BNC2: variants seen among roughly 807,000 people sequenced by gnomAD.
BNC2 encodes the protein zinc finger protein basonuclin-2.
Under a neutral mutation model 76.3 loss-of-function variants are expected in BNC2, and 20 were observed. The ratio of observed to expected loss-of-function variants is 0.26; its 90% CI spans 0.18 to 0.38. The LOEUF is 0.38. BNC2 is among the 10% of genes least tolerant of loss of function. The probability of loss-of-function intolerance (pLI) is 1.00; values close to 1 mark genes in which losing one functional copy is unlikely to be tolerated. For synonymous variants in BNC2, 582 were observed against 514.8 expected, an observed-to-expected ratio of 1.13 and a Z score of -1.77; for missense variants, 1,382 against 1,399.8, an observed-to-expected ratio of 0.99 and a Z score of 0.20.
At chr9:16,488,834 C>CAA (rs369463874) in intron 5 of BNC2, among the ~76,000 whole-genome samples, 296 of 149,246 alleles carry the variant, frequency 2.0e-3, no homozygotes, top group African/African-American at 6.5e-3. Context: ...CTTCTTTTAG[C>CAA]AAAAAAAAAC....
chr9:16,607,677 T>C (rs937683358), intron 3 of BNC2, among the ~76,000 whole-genome samples: 1 of 152,204 alleles, frequency 6.6e-6, no homozygotes, highest in African/African-American at 2.4e-5. Flanking sequence ...GCTACACGGA[T>C]GCTTTCATTT....
At chr9:16,549,589 G>A (rs1431906947) in intron 5 of BNC2, among the ~76,000 whole-genome samples, 1 of 152,132 alleles carries the variant, frequency 6.6e-6, no homozygotes, top group African/African-American at 2.4e-5. Context: ...AGTAATTTGT[G>A]CACACCTTAT....
chr9:16,462,475 G>C (rs1012433167), intron 5 of BNC2, among the ~76,000 whole-genome samples: 1 of 152,000 alleles, frequency 6.6e-6, no homozygotes, highest in African/African-American at 2.4e-5. Context: ...ACCAAATCTT[G>C]TAACTCCTGC....
intron 3 of BNC2, among the ~76,000 whole-genome samples, chr9:16,600,505 C>A (rs1820215852): frequency 6.6e-6 from 1 of 152,160 alleles, no homozygotes; most frequent in African/African-American, 2.4e-5. Flanking sequence ...GATTTCCAGT[C>A]TATTGACAAA....
At chr9:16,620,978 A>G (rs961465984) in intron 3 of BNC2, among the ~76,000 whole-genome samples, 2 of 152,074 alleles carry the variant, frequency 1.3e-5, no homozygotes, top group East Asian at 1.9e-4. Context: ...TCTATCCACA[A>G]TGTTATCTGG....
chr9:16,564,814 T>C (rs1275363461), intron 4 of BNC2, among the ~76,000 whole-genome samples: 1 of 152,120 alleles, frequency 6.6e-6, no homozygotes, highest in Non-Finnish European at 1.5e-5. Context: ...TTAAGATGTA[T>C]CTACATCTAC....
At chr9:16,854,065 G>A (rs1197556708) in intron 1 of BNC2, among the ~76,000 whole-genome samples, 4 of 152,086 alleles carry the variant, frequency 2.6e-5, no homozygotes, top group Non-Finnish European at 5.9e-5. Flanking sequence ...GCTGCTCCCT[G>A]GACCACCAAC....
intron 5 of BNC2, among the ~76,000 whole-genome samples, chr9:16,503,352 A>G (rs1822560698): frequency 1.3e-5 from 2 of 152,182 alleles, no homozygotes; most frequent in Non-Finnish European, 2.9e-5. Context: ...GGATGTGCAG[A>G]AGGAGACAAA....
chr9:16,444,364 C>T lies in BNC2; in HGVS notation c.670-6840G>A, dbSNP rs908261703. 2.6e-5 allele frequency among the ~76,000 whole-genome samples: 4 copies of T among 152,154 alleles called. No individual in the cohort carries two copies. In the East Asian group the frequency reaches 5.8e-4, roughly 22 times the overall value. ...GACTACCTCCCTACAGAGCTAACAC[C>T]AATATATAGCAGGTATGTGCTATGC... On this transcript the variant is annotated intron_variant, in intron 5 of 6. Transcript: ENST00000380672.
intron 3 of BNC2, among the ~76,000 whole-genome samples, chr9:16,692,044 A>G (rs953662629): frequency 6.7e-6 from 1 of 148,700 alleles, no homozygotes; most frequent in African/African-American, 2.5e-5. Flanking sequence ...CTCCTGACCT[A>G]AAGTGATCTG....
chr9:16,798,132 A>G (rs1182213598), intron 1 of BNC2, among the ~76,000 whole-genome samples: 2 of 152,212 alleles, frequency 1.3e-5, no homozygotes, highest in African/African-American at 4.8e-5. Flanking sequence ...CTGTCTTTCT[A>G]TTCTAAATTT....
At chr9:16,588,116 A>G (rs1819824246) in intron 3 of BNC2, among the ~76,000 whole-genome samples, 1 of 152,188 alleles carries the variant, frequency 6.6e-6, no homozygotes. Flanking sequence ...TCATCTGTAA[A>G]ATGATAGTAA....
At chr9:16,736,007 G>A (rs1161835302) in intron 2 of BNC2, among the ~76,000 whole-genome samples, 1 of 151,702 alleles carries the variant, frequency 6.6e-6, no homozygotes, top group Non-Finnish European at 1.5e-5. Context: ...GCCAAGGCGG[G>A]TGGATCACTT....
intron 1 of BNC2, among the ~76,000 whole-genome samples, chr9:16,751,290 T>TTGTGAGCA (rs984532736): frequency 1.9e-4 from 29 of 150,542 alleles, no homozygotes; most frequent in African/African-American, 5.3e-4. Context: ...CCCTAGTATA[T>TTGTGAGCA]TGTGAGCACT....
rs115709411 is a variant in BNC2, at chr9:16,680,042, C to T, written c.330+47755G>A. Among the ~76,000 whole-genome samples, 1,363 of 152,274 alleles carry T rather than the reference C, an allele frequency of 9.0e-3. 12 individuals carry two copies. The highest frequency in any genetic ancestry group is 0.031 in the African/African-American group (1,272 of 41,560). On this transcript the variant is annotated intron_variant, in intron 3 of 6. Transcript: ENST00000380672. Reference sequence around the variant, plus strand: ...TTAACCCCTCCATCATGATCTTCATCTTCTTTTTAAGGGTAAACAGTTTGA... The same window carrying T: ...TTAACCCCTCCATCATGATCTTCATTTTCTTTTTAAGGGTAAACAGTTTGA...
chr9:16,660,182 C>T (rs1357762699), intron 3 of BNC2, among the ~76,000 whole-genome samples: 3 of 152,110 alleles, frequency 2.0e-5, no homozygotes, highest in Admixed American at 6.5e-5. Flanking sequence ...GGGCCGGGCG[C>T]GGTGGCTCAA....
At chr9:16,659,505 G>C (rs1439453354) in intron 3 of BNC2, among the ~76,000 whole-genome samples, 2 of 151,926 alleles carry the variant, frequency 1.3e-5, no homozygotes, top group African/African-American at 4.8e-5. Context: ...CTACTCGGGA[G>C]GCTGAGGCAG....
chr9:16,547,797 AG>A (rs1379146697), intron 5 of BNC2, among the ~76,000 whole-genome samples: 2 of 152,160 alleles, frequency 1.3e-5, no homozygotes, highest in African/African-American at 4.8e-5. Context: ...ATGAGCTTGA[AG>A]GGAAGAGGTT....
chr9:16,542,242 CGAT>C (rs904258487), intron 5 of BNC2, among the ~76,000 whole-genome samples: 14 of 152,144 alleles, frequency 9.2e-5, no homozygotes, highest in African/African-American at 3.4e-4. Context: ...AGAAAAATGA[CGAT>C]GAGTTCGAGC....
Sources: gnomAD v4.1 joint callset for allele counts (sites outside exome capture counted in the v4.1 genomes callset) on GRCh38, gnomAD v4.1.1 for gene constraint, MANE v1.5 for transcripts, NCBI Gene and HGNC (gene_info 2026-07-23, HGNC 2026-07-21) for gene names.